RFWD3: variants seen among roughly 807,000 people sequenced by gnomAD.
RFWD3 encodes E3 ubiquitin-protein ligase RFWD3.
In RFWD3, 65 loss-of-function variants were observed where a neutral mutation model predicts 87.7. The ratio of observed to expected loss-of-function variants is 0.74; its 90% CI spans 0.61 to 0.91. The LOEUF (loss-of-function observed/expected upper bound fraction) is 0.91, where lower values mean the gene tolerates loss of function less well. RFWD3 is among the 40% of genes least tolerant of loss of function. RFWD3 has a pLI of 0.00. For synonymous variants in RFWD3, 433 were observed against 352.8 expected, an observed-to-expected ratio of 1.23 and a Z score of -2.55; for missense variants, 1,078 against 938.5, an observed-to-expected ratio of 1.15 and a Z score of -1.94.
intron 9 of RFWD3, 60 bp from the exon 10 acceptor site, chr16:74,631,017 T>C (rs1959077652): frequency 7.1e-6 from 10 of 1,403,616 alleles, no homozygotes; most frequent in South Asian, 2.6e-5. Flanking sequence ...ATGACAAAGA[T>C]GTAAAGATTA....
chr16:74,659,455 C>G (rs929789497), intron 2 of RFWD3, among the ~76,000 whole-genome samples: 3 of 152,096 alleles, frequency 2.0e-5, no homozygotes, highest in Admixed American at 1.3e-4. Flanking sequence ...TATAGCCAAG[C>G]CTGCTGGTGC....
At chr16:74,663,174 G>T (rs1303814312) in intron 1 of RFWD3, among the ~76,000 whole-genome samples, 5 of 152,096 alleles carry the variant, frequency 3.3e-5, no homozygotes, top group Non-Finnish European at 7.4e-5. Flanking sequence ...AAAGTGCTCG[G>T]ATTATAGGCA....
In RFWD3 at chr16:74,651,970, T is replaced by C. The variant is rs1960601146; in HGVS notation, c.671A>G (p.Tyr224Cys). The C allele has an allele frequency of 2.5e-6, 4 of 1,614,044 alleles. No individual in the cohort carries two copies. The highest frequency in any genetic ancestry group is 3.4e-6 in the Non-Finnish European group (4 of 1,179,948). ...CTCTGCCTGGTCAACAACCCCTCCA[T>C]ACTCTGCAGAGCTGTCACTGTCAGA... ...SDSDSDSSAEYGGVVDQAEES... is the reference protein window; with the variant it reads ...SDSDSDSSAECGGVVDQAEES... The change falls in exon 3 of 13, where the codon TAT becomes TGT. Residue 224 changes from tyrosine to cysteine, a missense_variant. Tyr to Cys is a radical substitution (Grantham distance 194). Transcript: ENST00000361070.
intron 2 of RFWD3, chr16:74,660,629 G>T: frequency 3.7e-6 from 1 of 270,842 alleles, no homozygotes; most frequent in Non-Finnish European, 7.0e-6. Context: ...ATGAATTTGG[G>T]TGAGTAGAGA....
At chr16:74,660,183 T>C (rs893206632) in intron 2 of RFWD3, among the ~76,000 whole-genome samples, 1 of 152,150 alleles carries the variant, frequency 6.6e-6, no homozygotes, top group Admixed American at 6.5e-5. Flanking sequence ...CTCTATTCTA[T>C]AGTTATGAGA....
chr16:74,662,791 G>A (rs1961563967), intron 1 of RFWD3, among the ~76,000 whole-genome samples: 1 of 152,232 alleles, frequency 6.6e-6, no homozygotes, highest in South Asian at 2.1e-4. Context: ...TAGGTGACCA[G>A]TGTAGAGGCT....
At chr16:74,666,567 C>A (rs1961941655) in intron 1 of RFWD3, 1 of 152,384 alleles carries the variant, frequency 6.6e-6, no homozygotes, top group African/African-American at 2.4e-5. Flanking sequence ...CCAGCCCCCA[C>A]GCCCAGCAAC....
intron 3 of RFWD3, among the ~76,000 whole-genome samples, chr16:74,649,884 G>T (rs543494198): frequency 7.0e-4 from 107 of 152,182 alleles, no homozygotes; most frequent in African/African-American, 2.5e-3. Flanking sequence ...TACACATCCT[G>T]GATTTGGCTG....
At chr16:74,629,965 C>G (rs77288344) in intron 10 of RFWD3, among the ~76,000 whole-genome samples, 19,005 of 152,190 alleles carry the variant, frequency 0.12, 1,472 homozygotes, top group Admixed American at 0.23. Context: ...AATCTCATAA[C>G]TGGATTAAAT....
chr16:74,641,152 CACAA>C (rs1959606366), intron 6 of RFWD3, among the ~76,000 whole-genome samples: 3 of 151,902 alleles, frequency 2.0e-5, no homozygotes, highest in South Asian at 2.1e-4. Flanking sequence ...CAATGTAAAA[CACAA>C]ACAGATAATT....
chr16:74,630,153 C>T (rs946952017), intron 10 of RFWD3, among the ~76,000 whole-genome samples: 7 of 151,820 alleles, frequency 4.6e-5, no homozygotes, highest in African/African-American at 1.2e-4. Context: ...TGGAGTGCAA[C>T]GGCGCAATCT....
At chr16:74,637,123 A>T (rs935173968) in intron 7 of RFWD3, among the ~76,000 whole-genome samples, 2 of 22,930 alleles carry the variant, frequency 8.7e-5, no homozygotes, top group East Asian at 9.1e-4. Context: ...AAAGTCCTTT[A>T]AAAAAAAAAA....
intron 3 of RFWD3, among the ~76,000 whole-genome samples, chr16:74,650,904 C>CA (rs1369055582): frequency 1.3e-5 from 2 of 150,978 alleles, no homozygotes; most frequent in African/African-American, 2.4e-5. Flanking sequence ...AAAAAAACAA[C>CA]AAAAAAACCC....
At chr16:74,652,903 A>T (rs959568580) in intron 2 of RFWD3, among the ~76,000 whole-genome samples, 2 of 152,156 alleles carry the variant, frequency 1.3e-5, no homozygotes, top group Non-Finnish European at 2.9e-5. Context: ...CTGGTCTCCA[A>T]CTCCTGACCT....
chr16:74,665,923 C>G (rs1487596781), intron 1 of RFWD3, among the ~76,000 whole-genome samples: 1 of 152,038 alleles, frequency 6.6e-6, no homozygotes, highest in Non-Finnish European at 1.5e-5. Flanking sequence ...GTCTCGAACT[C>G]CTGGCCTCAG....
At chr16:74,642,260 T>C (rs1268965487) in intron 6 of RFWD3, among the ~76,000 whole-genome samples, 2 of 151,884 alleles carry the variant, frequency 1.3e-5, no homozygotes, top group Non-Finnish European at 2.9e-5. Context: ...GTTGCTGGCA[T>C]TACAGGCACG....
chr16:74,662,756 A>G (rs1276886817), intron 1 of RFWD3, among the ~76,000 whole-genome samples: 1 of 152,208 alleles, frequency 6.6e-6, no homozygotes, highest in Admixed American at 6.5e-5. Context: ...TTAGGAATGC[A>G]CTGTAGGGGT....
intron 6 of RFWD3, chr16:74,643,933 TC>T: frequency 4.7e-6 from 1 of 214,308 alleles, no homozygotes. Context: ...CACCTTGGCC[TC>T]CCAAAGTGCT....
intron 7 of RFWD3, among the ~76,000 whole-genome samples, chr16:74,637,396 G>A (rs1351418805): frequency 6.6e-6 from 1 of 152,170 alleles, no homozygotes; most frequent in African/African-American, 2.4e-5. Flanking sequence ...GGAAGCCAAG[G>A]CAGGCGGATC....
Sources: gnomAD v4.1 joint callset for allele counts (sites outside exome capture counted in the v4.1 genomes callset) on GRCh38, gnomAD v4.1.1 for gene constraint, MANE v1.5 for transcripts, NCBI Gene and HGNC (gene_info 2026-07-23, HGNC 2026-07-21) for gene names.